Variants in KCNJ16 observed in about 807,000 individuals in gnomAD.
KCNJ16 encodes the protein inward rectifier potassium channel 16.
KCNJ16 carries 15 observed loss-of-function variants against 18.5 expected under a neutral mutation model. The ratio of observed to expected loss-of-function variants is 0.81; its 90% CI spans 0.54 to 1.25. The LOEUF (loss-of-function observed/expected upper bound fraction) is 1.25, where lower values mean the gene tolerates loss of function less well. Ranked by LOEUF, KCNJ16 falls within the 50% of genes most tolerant of loss-of-function variation. The pLI, the probability that KCNJ16 is intolerant of heterozygous loss-of-function variation, is 0.00. For synonymous variants in KCNJ16, 174 were observed against 186.5 expected (o/e 0.93, Z 0.55); for missense variants, 523 against 525.7 (o/e 0.99, Z 0.05).
intron 2 of KCNJ16, among the ~76,000 whole-genome samples, chr17:70,107,903 C>CA (rs139415166): frequency 0.02 from 2,984 of 152,262 alleles, 43 homozygotes; most frequent in Non-Finnish European, 0.031. Flanking sequence ...AACCACCTAG[C>CA]AAACTCATGA....
At chr17:70,087,545 T>C (rs1484423626) in intron 1 of KCNJ16, among the ~76,000 whole-genome samples, 2 of 151,716 alleles carry the variant, frequency 1.3e-5, no homozygotes, top group African/African-American at 2.4e-5. Context: ...CTACTAAAAA[T>C]ACAAAAATAA....
chr17:70,121,048 G>A (rs1314194662), intron 2 of KCNJ16, among the ~76,000 whole-genome samples: 1 of 152,146 alleles, frequency 6.6e-6, no homozygotes, highest in East Asian at 1.9e-4. Context: ...AAGAAGAGGT[G>A]ACAGTCTGTG....
chr17:70,121,804 A>T (rs921691025), intron 2 of KCNJ16, among the ~76,000 whole-genome samples: 11 of 152,076 alleles, frequency 7.2e-5, no homozygotes, highest in Non-Finnish European at 1.2e-4. Context: ...GAAAAAAAAA[A>T]TACAAAAAAT....
intron 1 of KCNJ16, among the ~76,000 whole-genome samples, chr17:70,088,760 T>A (rs1024341802): frequency 4.6e-5 from 7 of 151,964 alleles, no homozygotes; most frequent in African/African-American, 1.7e-4. Context: ...ACTAGGAAAC[T>A]TAGGAAAAAA....
At chr17:70,081,347 C>T (rs977335926) in intron 1 of KCNJ16, among the ~76,000 whole-genome samples, 2 of 152,048 alleles carry the variant, frequency 1.3e-5, no homozygotes, top group African/African-American at 2.4e-5. Context: ...TTCCTCATGA[C>T]TAAAATTTTA....
intron 1 of KCNJ16, among the ~76,000 whole-genome samples, chr17:70,097,852 G>A (rs1218311161): frequency 6.6e-6 from 1 of 151,830 alleles, no homozygotes. Flanking sequence ...AATTATTGTT[G>A]ATTCTGACTT....
chr17:70,099,240 T>C (rs150737623), intron 1 of KCNJ16, among the ~76,000 whole-genome samples: 4 of 152,290 alleles, frequency 2.6e-5, no homozygotes, highest in African/African-American at 4.8e-5. Flanking sequence ...ACAATCACTA[T>C]AGATATCAAG....
rs183800608 is a variant in KCNJ16, at chr17:70,122,950, C to A, written c.-190-7929C>A. Among the ~76,000 whole-genome samples, 542 of 152,316 alleles carry A rather than the reference C, an allele frequency of 3.6e-3. 2 individuals are homozygous for A. Among genetic ancestry groups the A allele is most frequent in the African/African-American group, 0.012 (508 of 41,576 alleles). ...ACCTTCTCTGGCCTCATCCTAATCC[C>A]AGTCATGATCATCTCTTACCTCATT... On this transcript the variant is annotated intron_variant, in intron 2 of 3. Coordinates refer to ENST00000392671, the MANE Select transcript of KCNJ16 (RefSeq NM_170741.4).
intron 1 of KCNJ16, among the ~76,000 whole-genome samples, chr17:70,099,449 A>C (rs2072527390): frequency 6.6e-6 from 1 of 152,078 alleles, no homozygotes; most frequent in Admixed American, 6.6e-5. Flanking sequence ...TTTTTATCTG[A>C]GTTTAAGGAA....
At chr17:70,109,775 A>G (rs2073102718) in intron 2 of KCNJ16, among the ~76,000 whole-genome samples, 1 of 152,124 alleles carries the variant, frequency 6.6e-6, no homozygotes, top group Non-Finnish European at 1.5e-5. Context: ...TTGAATCCAC[A>G]TGTGTCAGAT....
chr17:70,081,298 T>C (rs1270212103), intron 1 of KCNJ16, among the ~76,000 whole-genome samples: 1 of 152,206 alleles, frequency 6.6e-6, no homozygotes, highest in African/African-American at 2.4e-5. Context: ...TTTACACACA[T>C]TTAAATTTAG....
intron 1 of KCNJ16, among the ~76,000 whole-genome samples, chr17:70,086,151 G>A (rs1002597712): frequency 4.6e-5 from 7 of 152,074 alleles, no homozygotes; most frequent in Non-Finnish European, 7.4e-5. Context: ...TACAAATATT[G>A]ATTTGTTAGA....
At chr17:70,130,258 G>T (rs181320460) in intron 2 of KCNJ16, among the ~76,000 whole-genome samples, 1 of 152,112 alleles carries the variant, frequency 6.6e-6, no homozygotes, top group African/African-American at 2.4e-5. Flanking sequence ...AACCTCCAAA[G>T]CATGGTGGCT....
At position 70,133,163 on chromosome 17, in the gene KCNJ16, T is replaced by G. The variant is rs1445940571; in HGVS notation, c.1076T>G (p.Val359Gly). Residue 359 changes from valine (V) to glycine (G), a missense_variant, in exon 4 of 4, where the codon GTT (valine) becomes GGT (glycine). Transcript: ENST00000392671. The part of the protein sequence containing the change: ...QQLHIEKAPP[V>G]RESCTSDTKA... The stretch of plus-strand genomic sequence containing the variant: ...CTCCACATAGAAAAAGCACCACCAG[T>G]TCGAGAATCCTGCACGTCGGACACC... 6.2e-7 allele frequency: 1 copy of G among 1,614,180 alleles called. No individual in the cohort carries two copies. Among genetic ancestry groups the G allele is most frequent in the Admixed American group, 1.7e-5 (1 of 60,014 alleles).
At chr17:70,092,610 G>C (rs1249541160) in intron 1 of KCNJ16, among the ~76,000 whole-genome samples, 1 of 150,884 alleles carries the variant, frequency 6.6e-6, no homozygotes. Flanking sequence ...TAGATAGATA[G>C]ATGAGATTCA....
chr17:70,127,905 T>C (rs2073909694), intron 2 of KCNJ16, among the ~76,000 whole-genome samples: 1 of 152,216 alleles, frequency 6.6e-6, no homozygotes, highest in South Asian at 2.1e-4. Context: ...TTAGACCTTT[T>C]TTGTGGTGCA....
At chr17:70,081,852 T>C (rs1354013018) in intron 1 of KCNJ16, among the ~76,000 whole-genome samples, 1 of 151,800 alleles carries the variant, frequency 6.6e-6, no homozygotes, top group Non-Finnish European at 1.5e-5. Flanking sequence ...GTGTCTGTAT[T>C]AATTATTCAC....
At chr17:70,086,897 ATTAT>A (rs1019539884) in intron 1 of KCNJ16, among the ~76,000 whole-genome samples, 2 of 151,830 alleles carry the variant, frequency 1.3e-5, no homozygotes, top group Admixed American at 6.6e-5. Flanking sequence ...GTCACATTTT[ATTAT>A]TTATTTATTT....
intron 2 of KCNJ16, among the ~76,000 whole-genome samples, chr17:70,130,217 A>C (rs930167181): frequency 6.6e-6 from 1 of 152,190 alleles, no homozygotes; most frequent in African/African-American, 2.4e-5. Flanking sequence ...TGTTTGTAAA[A>C]TATTGTTCAA....
Sources: gnomAD v4.1 joint callset for allele counts (sites outside exome capture counted in the v4.1 genomes callset) on GRCh38, gnomAD v4.1.1 for gene constraint, MANE v1.5 for transcripts, NCBI Gene and HGNC (gene_info 2026-07-23, HGNC 2026-07-21) for gene names.